ZNF438: variants seen among roughly 807,000 people sequenced by gnomAD.
ZNF438 encodes the protein zinc finger protein 438.
ZNF438 carries 25 observed loss-of-function variants against 38.0 expected under a neutral mutation model. The observed-to-expected ratio is 0.66, with a 90% confidence interval of 0.48 to 0.92. The LOEUF is 0.92. Among genes scored for constraint, ZNF438 ranks in the 40% least tolerant of loss-of-function variants. ZNF438 has a pLI of 0.00. For synonymous variants in ZNF438, 372 were observed against 364.1 expected (o/e 1.02, Z -0.25); for missense variants, 1,007 against 999.6 (o/e 1.01, Z -0.10).
intron 4 of ZNF438, among the ~76,000 whole-genome samples, chr10:30,863,033 G>T (rs80065741): frequency 6.6e-6 from 1 of 152,204 alleles, no homozygotes; most frequent in African/African-American, 2.4e-5. Flanking sequence ...TTAACTCACA[G>T]TGATTTATAA....
chr10:30,954,142 A>T (rs1187042816), intron 1 of ZNF438, among the ~76,000 whole-genome samples: 1 of 152,180 alleles, frequency 6.6e-6, no homozygotes, highest in African/African-American at 2.4e-5. Flanking sequence ...GACTGTTTAA[A>T]AAAAAAGACA....
At chr10:30,978,774 T>C (rs988959939) in intron 1 of ZNF438, among the ~76,000 whole-genome samples, 1 of 152,230 alleles carries the variant, frequency 6.6e-6, no homozygotes, top group African/African-American at 2.4e-5. Flanking sequence ...TATAATGTTT[T>C]TGAAGTTTAT....
At chr10:30,897,332 T>G in intron 3 of ZNF438, among the ~76,000 whole-genome samples, 1 of 152,216 alleles carries the variant, frequency 6.6e-6, no homozygotes, top group South Asian at 2.1e-4. Flanking sequence ...GTTAACTTCT[T>G]TCTATATTCC....
intron 4 of ZNF438, among the ~76,000 whole-genome samples, chr10:30,850,591 T>C (rs1229180598): frequency 3.9e-5 from 6 of 152,198 alleles, no homozygotes; most frequent in Admixed American, 6.5e-5. Flanking sequence ...GCTCCTATTA[T>C]GTTATTTACC....
intron 2 of ZNF438, chr10:30,921,223 A>G (rs2044260855): frequency 6.6e-6 from 1 of 152,160 alleles, no homozygotes; most frequent in South Asian, 2.1e-4. Context: ...AAGTGTATTT[A>G]TGTGGTTGAT....
At chr10:30,899,856 G>GAAAAC (rs923519117) in intron 3 of ZNF438, among the ~76,000 whole-genome samples, 1 of 152,030 alleles carries the variant, frequency 6.6e-6, no homozygotes, top group African/African-American at 2.4e-5. Flanking sequence ...TTATCCTTTT[G>GAAAAC]AAAACAAAAC....
At chr10:30,894,921 G>A (rs1486303047) in intron 3 of ZNF438, among the ~76,000 whole-genome samples, 1 of 152,096 alleles carries the variant, frequency 6.6e-6, no homozygotes, top group Non-Finnish European at 1.5e-5. Flanking sequence ...TTAAAATTTA[G>A]GTTGGGATAA....
chr10:30,996,086 GA>G (rs2054017814), intron 1 of ZNF438, among the ~76,000 whole-genome samples: 1 of 151,960 alleles, frequency 6.6e-6, no homozygotes, highest in Admixed American at 6.5e-5. Context: ...CAACCACTAA[GA>G]AAATAACTCA....
chr10:30,953,343 G>A (rs2048450966), intron 1 of ZNF438, among the ~76,000 whole-genome samples: 1 of 151,940 alleles, frequency 6.6e-6, no homozygotes, highest in African/African-American at 2.4e-5. Flanking sequence ...CGTGGCACAT[G>A]TATACATATG....
At chr10:30,989,323 G>A (rs1589605292) in intron 1 of ZNF438, among the ~76,000 whole-genome samples, 1 of 152,126 alleles carries the variant, frequency 6.6e-6, no homozygotes, top group Non-Finnish European at 1.5e-5. Flanking sequence ...CCACCAAAAG[G>A]AAGCTGCTCC....
chr10:30,974,511 T>C (rs1298133116), intron 1 of ZNF438, among the ~76,000 whole-genome samples: 5 of 152,090 alleles, frequency 3.3e-5, no homozygotes, highest in Non-Finnish European at 7.4e-5. Flanking sequence ...ACAACAAACA[T>C]TCCTCTGAGT....
At chr10:30,875,561 A>G (rs1195853926) in intron 4 of ZNF438, 8 of 985,356 alleles carry the variant, frequency 8.1e-6, no homozygotes, top group Non-Finnish European at 9.6e-6. Context: ...CAAACCCTTC[A>G]TCAGCTACCA....
intron 1 of ZNF438, among the ~76,000 whole-genome samples, chr10:31,001,683 AT>A (rs1455065608): frequency 2.6e-5 from 4 of 152,344 alleles, no homozygotes; most frequent in African/African-American, 7.2e-5. Flanking sequence ...TGGTTACAAA[AT>A]TTTGCCATAA....
intron 1 of ZNF438, among the ~76,000 whole-genome samples, chr10:31,007,824 C>A (rs2055305276): frequency 6.6e-6 from 1 of 152,194 alleles, no homozygotes; most frequent in South Asian, 2.1e-4. Flanking sequence ...AGAAAGAACA[C>A]TGACTCAGTT....
intron 1 of ZNF438, among the ~76,000 whole-genome samples, chr10:30,958,271 T>C (rs180876237): frequency 2.0e-5 from 3 of 147,280 alleles, no homozygotes; most frequent in African/African-American, 7.3e-5. Context: ...AGTTATTTAC[T>C]ATGAGGATGT....
chr10:30,845,405 C>T (rs1411055633), exon 6 of ZNF438: 1 of 1,614,132 alleles, frequency 6.2e-7, no homozygotes, highest in East Asian at 2.2e-5. Context: ...CTGGGAAGGT[C>T]CCTTCTTGTA....
intron 1 of ZNF438, among the ~76,000 whole-genome samples, chr10:31,008,354 A>C (rs2055352765): frequency 6.6e-6 from 1 of 152,228 alleles, no homozygotes; most frequent in African/African-American, 2.4e-5. Context: ...GTTTTAGTAT[A>C]TTCAGAGTTG....
At position 30,965,804 on chromosome 10, in the gene ZNF438, T is replaced by C. The variant is rs573414647; in HGVS notation, c.-191-24153A>G. Among the ~76,000 whole-genome samples, 10 of 152,232 alleles carry C rather than the reference T, an allele frequency of 6.6e-5. No homozygotes were observed. The South Asian group carries it at 8.3e-4, about 13-fold the overall frequency. On this transcript the variant is annotated intron_variant, in intron 1 of 5. Transcript: ENST00000413025. ...AGGCAAGAGTTGAAAAAGTTAACTA[T>C]TGGGTACTATGCTCAGTACCTAGGT...
At chr10:30,997,104 G>A (rs1182998081) in intron 1 of ZNF438, among the ~76,000 whole-genome samples, 1 of 152,036 alleles carries the variant, frequency 6.6e-6, no homozygotes, top group Admixed American at 6.6e-5. Context: ...AAGATCTCAA[G>A]TGGATAATCT....
Sources: allele counts gnomAD v4.1 joint callset (sites outside exome capture counted in the v4.1 genomes callset), GRCh38; gene constraint gnomAD v4.1.1; transcripts MANE v1.5; gene names NCBI Gene and HGNC (gene_info 2026-07-23, HGNC 2026-07-21).